The following IL1RAPL1 variants were observed in gnomAD, a reference collection of about 807,000 sequenced individuals.
IL1RAPL1 encodes interleukin 1 receptor accessory protein like 1.
Under a neutral mutation model 48.4 loss-of-function variants are expected in IL1RAPL1, and 3 were observed. That is an observed-to-expected ratio of 0.06 (90% CI 0.03 to 0.16). The LOEUF is 0.16. IL1RAPL1 is among the 10% of genes least tolerant of loss of function. The pLI is 1.00. For synonymous variants in IL1RAPL1, 185 were observed against 187.7 expected (o/e 0.99, Z 0.12); for missense variants, 349 against 530.6 (o/e 0.66, Z 3.36).
chrX:29,020,885 G>A (rs1926348754), intron 2 of IL1RAPL1, among the ~76,000 whole-genome samples: 1 of 111,926 alleles, frequency 8.9e-6, no homozygotes, highest in Non-Finnish European at 1.9e-5. Context: ...GAATTAAACT[G>A]CACCTAATTT....
intron 1 of IL1RAPL1, among the ~76,000 whole-genome samples, chrX:28,684,224 TATTTC>T (rs1422204902): frequency 8.9e-6 from 1 of 112,529 alleles, no homozygotes; most frequent in Non-Finnish European, 1.9e-5. Flanking sequence ...TTGCATATGC[TATTTC>T]ATTTCATTGT....
At chrX:29,544,052 G>T (rs67275116) in intron 5 of IL1RAPL1, among the ~76,000 whole-genome samples, 5,824 of 111,721 alleles carry the variant, frequency 0.052, 231 homozygotes, top group African/African-American at 0.12. Flanking sequence ...TAGTTACATA[G>T]ATATTTTTAC....
chrX:29,625,967 G>T (rs1924604575), intron 5 of IL1RAPL1, among the ~76,000 whole-genome samples: 2 of 111,606 alleles, frequency 1.8e-5, no homozygotes, highest in South Asian at 7.5e-4. Flanking sequence ...CAAGTGCTCA[G>T]TATTTCACCA....
intron 6 of IL1RAPL1, among the ~76,000 whole-genome samples, chrX:29,707,742 G>A (rs192223863): frequency 2.0e-3 from 222 of 110,793 alleles, no homozygotes; most frequent in African/African-American, 6.9e-3. Context: ...CTATGAGGAC[G>A]CAAAGGCATA....
chrX:28,976,969 T>C (rs1222939411), intron 2 of IL1RAPL1, among the ~76,000 whole-genome samples: 4 of 112,431 alleles, frequency 3.6e-5, no homozygotes, highest in Non-Finnish European at 5.6e-5. Context: ...GGTAAGCAAA[T>C]GAACATGGTT....
At chrX:29,397,898 A>G (rs73631658) in intron 4 of IL1RAPL1, among the ~76,000 whole-genome samples, 16 of 111,893 alleles carry the variant, frequency 1.4e-4, no homozygotes, top group African/African-American at 5.2e-4. Context: ...CTGAAAGATG[A>G]GAGACTACAC....
rs1298191542 is a variant in IL1RAPL1 at position 29,029,578 on chromosome X, A to T, written c.82+240153A>T. Among the ~76,000 whole-genome samples the T allele has an allele frequency of 3.6e-5, 4 of 111,943 alleles. No individual in the cohort carries two copies. In the South Asian group the frequency reaches 1.5e-3, roughly 42 times the overall value. On this transcript the variant is annotated intron_variant, in intron 2 of 10. Transcript: ENST00000378993. ...TGAAAATTGATGTTTCTGCAGAGAG[A>T]TGAGTGCTGGAAAGTCCTATTCTAT...
intron 1 of IL1RAPL1, among the ~76,000 whole-genome samples, chrX:28,665,566 C>T (rs1314533367): frequency 9.1e-6 from 1 of 110,331 alleles, no homozygotes; most frequent in Non-Finnish European, 1.9e-5. Flanking sequence ...TCTTGGCTCA[C>T]TGCAACCTCC....
intron 3 of IL1RAPL1, among the ~76,000 whole-genome samples, chrX:29,285,348 C>T (rs905834468): frequency 9.3e-6 from 1 of 107,897 alleles, no homozygotes; most frequent in Non-Finnish European, 1.9e-5. Context: ...GCCTGACCAA[C>T]ATGGAGACAC....
rs377670521 is a variant in IL1RAPL1, at chrX:28,960,997, G to A, written c.82+171572G>A. Among the ~76,000 whole-genome samples the A allele has an allele frequency of 1.1e-4, 8 of 71,983 alleles. No individual in the cohort carries two copies. The South Asian group carries it at 7.7e-3, about 69-fold the overall frequency. 62.5% of individuals were successfully genotyped at this position (71,983 alleles called of 115,157 possible). On this transcript the variant is annotated intron_variant, in intron 2 of 10. Transcript: ENST00000378993. Reference sequence around the variant, plus strand: ...TGCACTCCAGCCTGGGCGACAGAGCGAGACTCCGTCTCAAAAAAAAAAAAA... The same window carrying A: ...TGCACTCCAGCCTGGGCGACAGAGCAAGACTCCGTCTCAAAAAAAAAAAAA...
At chrX:29,557,484 A>G (rs1343563479) in intron 5 of IL1RAPL1, among the ~76,000 whole-genome samples, 2 of 112,194 alleles carry the variant, frequency 1.8e-5, no homozygotes, top group East Asian at 5.5e-4. Flanking sequence ...CAATTAACAT[A>G]TTGATCATCT....
At chrX:28,652,306 C>T (rs1192018942) in intron 1 of IL1RAPL1, among the ~76,000 whole-genome samples, 1 of 110,825 alleles carries the variant, frequency 9.0e-6, no homozygotes, top group Non-Finnish European at 1.9e-5. Context: ...TTCCTAACTC[C>T]CATAGCACAC....
intron 5 of IL1RAPL1, among the ~76,000 whole-genome samples, chrX:29,538,334 TTTTC>T (rs1193659306): frequency 5.7e-5 from 4 of 70,502 alleles, no homozygotes; most frequent in Middle Eastern, 7.5e-3. Context: ...TTTTCTTTTC[TTTTC>T]TTTTTTTTTT....
intron 6 of IL1RAPL1, among the ~76,000 whole-genome samples, chrX:29,749,864 G>T (rs1203997647): frequency 8.9e-6 from 1 of 111,992 alleles, no homozygotes; most frequent in African/African-American, 3.2e-5. Flanking sequence ...TGTTTTATGT[G>T]GGGGTATGTG....
chrX:29,568,487 AAGT>A (rs1186073865), intron 5 of IL1RAPL1, among the ~76,000 whole-genome samples: 1 of 110,658 alleles, frequency 9.0e-6, no homozygotes, highest in Non-Finnish European at 1.9e-5. Context: ...TTTGAGAAAA[AAGT>A]AGCGGATTTT....
At chrX:28,805,678 A>G (rs1936722220) in intron 2 of IL1RAPL1, among the ~76,000 whole-genome samples, 1 of 111,366 alleles carries the variant, frequency 9.0e-6, no homozygotes, top group South Asian at 3.7e-4. Flanking sequence ...ACAGTTAACT[A>G]TTAATTCACA....
chrX:29,840,449 G>A (rs1036018507), intron 6 of IL1RAPL1, among the ~76,000 whole-genome samples: 11 of 111,689 alleles, frequency 9.8e-5, no homozygotes, highest in Non-Finnish European at 1.1e-4. Context: ...ACCTGAAGAC[G>A]ATAGAAATGA....
At chrX:29,912,607 G>A (rs768680827) in intron 6 of IL1RAPL1, among the ~76,000 whole-genome samples, 7 of 111,823 alleles carry the variant, frequency 6.3e-5, no homozygotes, top group African/African-American at 1.3e-4. Flanking sequence ...TTTTGAAAGC[G>A]CAGGCCTGCA....
intron 8 of IL1RAPL1, among the ~76,000 whole-genome samples, chrX:29,922,782 A>G (rs1275127515): frequency 1.8e-5 from 2 of 112,200 alleles, no homozygotes; most frequent in Non-Finnish European, 3.8e-5. Context: ...GTGAGTTGCT[A>G]TATTACTCAG....
Sources: gnomAD v4.1 joint callset for allele counts (sites outside exome capture counted in the v4.1 genomes callset) on GRCh38, gnomAD v4.1.1 for gene constraint, MANE v1.5 for transcripts, NCBI Gene and HGNC (gene_info 2026-07-23, HGNC 2026-07-21) for gene names.